PYGO1: variants seen among roughly 807,000 people sequenced by gnomAD.
PYGO1 encodes the protein pygopus homolog 1.
Under a neutral mutation model 29.5 loss-of-function variants are expected in PYGO1, and 6 were observed. The ratio of observed to expected loss-of-function variants is 0.20; its 90% CI spans 0.11 to 0.40. The LOEUF (loss-of-function observed/expected upper bound fraction) is 0.40, where lower values mean the gene tolerates loss of function less well. Among genes scored for constraint, PYGO1 ranks in the 10% least tolerant of loss-of-function variants. PYGO1 has a pLI of 1.00. For synonymous variants in PYGO1, 186 were observed against 180.5 expected (o/e 1.03, Z -0.24); for missense variants, 515 against 514.9 (o/e 1.00, Z 0.00).
Position 55,550,681 on chromosome 15 carries a change from G to A in PYGO1, c.50-1686C>T, listed in dbSNP as rs545856565. On this transcript the variant is annotated intron_variant, in intron 1 of 2. Transcript: ENST00000563719. ...ATGCTACCTCACTTTTTGCTTTTTT[G>A]GTTTTTCAACACCTGTTTAATTCCT... 2.6e-5 allele frequency among the ~76,000 whole-genome samples: 4 copies of A among 151,780 alleles called. No homozygotes were observed. The South Asian group carries it at 8.3e-4, about 32-fold the overall frequency.
chr15:55,570,749 T>G (rs2058976905), intron 1 of PYGO1, among the ~76,000 whole-genome samples: 1 of 152,164 alleles, frequency 6.6e-6, no homozygotes, highest in South Asian at 2.1e-4. Flanking sequence ...CATCAATATT[T>G]TATTTTTTAA....
intron 1 of PYGO1, among the ~76,000 whole-genome samples, chr15:55,576,871 C>G (rs2059005129): frequency 6.6e-6 from 1 of 150,978 alleles, no homozygotes; most frequent in Non-Finnish European, 1.5e-5. Flanking sequence ...CTTCATAAAC[C>G]TATGAGGTAG....
upstream of PYGO1, chr15:55,588,876 C>G (rs766740130): frequency 1.2e-5 from 19 of 1,612,946 alleles, no homozygotes; most frequent in Non-Finnish European, 1.4e-5. Context: ...TTCCCCGACT[C>G]CGTGTCCGCG....
chr15:55,547,449 C>T (rs1490487351), intron 2 of PYGO1, among the ~76,000 whole-genome samples: 1 of 152,148 alleles, frequency 6.6e-6, no homozygotes, highest in Non-Finnish European at 1.5e-5. Context: ...GCTTCATTAT[C>T]CTAATTTTCA....
chr15:55,576,668 G>A (rs1303975630), intron 1 of PYGO1, among the ~76,000 whole-genome samples: 2 of 147,740 alleles, frequency 1.4e-5, no homozygotes, highest in Non-Finnish European at 3.0e-5. Flanking sequence ...CTACTCGGGA[G>A]GCTGAGACAG....
At chr15:55,550,830 T>C (rs2058875781) in intron 1 of PYGO1, among the ~76,000 whole-genome samples, 1 of 151,788 alleles carries the variant, frequency 6.6e-6, no homozygotes, top group Admixed American at 6.5e-5. Flanking sequence ...ATGTTTAACA[T>C]GTTCCTTATT....
Position 55,544,364 on chromosome 15 carries a change from G to C in PYGO1, c.*1659C>G, listed in dbSNP as rs1021458380. The C allele has an allele frequency of 2.6e-5, 4 of 152,064 alleles. No homozygotes were observed. Among genetic ancestry groups the C allele is most frequent in the African/African-American group, 9.7e-5 (4 of 41,398 alleles). The allele number at this position is 152,064 out of a possible 1,614,324, so 9.4% of individuals were successfully genotyped here. Reference sequence around the variant, plus strand: ...TCTTCCAGTTACTTCATCTCGATTGGGGAATGCATTGTTTCTTAGAAAAAG... The same window carrying C: ...TCTTCCAGTTACTTCATCTCGATTGCGGAATGCATTGTTTCTTAGAAAAAG... On this transcript the variant is annotated 3_prime_UTR_variant, in exon 3 of 3. Transcript: ENST00000563719.
At chr15:55,552,243 T>A (rs529139736) in intron 1 of PYGO1, among the ~76,000 whole-genome samples, 166 of 151,194 alleles carry the variant, frequency 1.1e-3, no homozygotes, top group Non-Finnish European at 1.5e-3. Flanking sequence ...TAATCCCAGC[T>A]ACTTGGGAGG....
chr15:55,567,263 A>G (rs1167194338), intron 1 of PYGO1, among the ~76,000 whole-genome samples: 2 of 108,334 alleles, frequency 1.8e-5, no homozygotes, highest in East Asian at 6.2e-4. Flanking sequence ...GGCTGGGTGC[A>G]GTGGTGTGAA....
intron 2 of PYGO1, 30 bp from the exon 3 acceptor site, chr15:55,547,177 G>A (rs1173342216): frequency 6.6e-7 from 1 of 1,519,926 alleles, no homozygotes; most frequent in Non-Finnish European, 8.8e-7. Context: ...TAAAATACAT[G>A]TTTTCGATCA....
chr15:55,569,342 C>A (rs2058970853), intron 1 of PYGO1, among the ~76,000 whole-genome samples: 1 of 151,126 alleles, frequency 6.6e-6, no homozygotes, highest in Admixed American at 6.6e-5. Flanking sequence ...TTAGTTTGTT[C>A]TTGTTTTTCT....
chr15:55,582,362 T>A (rs1221937353), intron 1 of PYGO1, among the ~76,000 whole-genome samples: 1 of 152,112 alleles, frequency 6.6e-6, no homozygotes, highest in Non-Finnish European at 1.5e-5. Flanking sequence ...AAACATTTTA[T>A]TCCACACATT....
intron 1 of PYGO1, among the ~76,000 whole-genome samples, chr15:55,554,933 A>G (rs2058897447): frequency 6.6e-6 from 1 of 152,200 alleles, no homozygotes; most frequent in Non-Finnish European, 1.5e-5. Flanking sequence ...CGGAAAACAT[A>G]CTTCAGGATA....
In PYGO1 at chr15:55,543,590, A is replaced by C. The variant is rs1211866289; in HGVS notation, c.*2433T>G. 1 of 152,230 alleles carries C rather than the reference A, an allele frequency of 6.6e-6. No homozygotes were observed. Among genetic ancestry groups the C allele is most frequent in the Non-Finnish European group, 1.5e-5 (1 of 68,036 alleles). 9.4% of individuals were successfully genotyped at this position (152,230 alleles called of 1,614,324 possible). On this transcript the variant is annotated 3_prime_UTR_variant, in exon 3 of 3. Transcript: ENST00000563719. ...TATATTGCATAACACATACCTTTAG[A>C]CTAGCTTGGGAGAAGTTATTTCATT...
chr15:55,555,958 A>G (rs1335273758), intron 1 of PYGO1, among the ~76,000 whole-genome samples: 1 of 152,192 alleles, frequency 6.6e-6, no homozygotes, highest in Non-Finnish European at 1.5e-5. Flanking sequence ...ATAGCTAACT[A>G]TCCTAAATAT....
At chr15:55,584,245 G>C (rs754665002) in intron 1 of PYGO1, among the ~76,000 whole-genome samples, 1 of 151,382 alleles carries the variant, frequency 6.6e-6, no homozygotes, top group Non-Finnish European at 1.5e-5. Context: ...AGCCTCCCAC[G>C]TAGCTAAGAC....
rs886197602 is a variant in PYGO1 at position 55,541,275 on chromosome 15, C to G, written c.*4748G>C. The G allele has an allele frequency of 2.0e-5, 3 of 152,102 alleles. No individual in the cohort carries two copies. Among genetic ancestry groups the G allele is most frequent in the Non-Finnish European group, 4.4e-5 (3 of 68,026 alleles). 9.4% of individuals were successfully genotyped at this position (152,102 alleles called of 1,614,324 possible). ...GTGCTTCCAAATTCCCATCACTGTACCATAAGTTGGAAGATGCAGATGTGA... is the reference window on the plus strand; with the variant it reads ...GTGCTTCCAAATTCCCATCACTGTAGCATAAGTTGGAAGATGCAGATGTGA... On this transcript the variant is annotated 3_prime_UTR_variant, in exon 3 of 3. Coordinates refer to ENST00000563719, the MANE Select transcript of PYGO1 (RefSeq NM_001367806.1).
chr15:55,573,607 G>A lies in PYGO1; in HGVS notation c.49+14228C>T, dbSNP rs553431023. 4.6e-5 allele frequency among the ~76,000 whole-genome samples: 7 copies of A among 152,306 alleles called. No individual in the cohort carries two copies. In the South Asian group the frequency reaches 1.5e-3, roughly 32 times the overall value. ...ACATAAGCATCTGTCAACAATGGGT[G>A]CATATAGTTGATCCTTGAACTATAT... On this transcript the variant is annotated intron_variant, in intron 1 of 2. Transcript: ENST00000563719.
At chr15:55,552,257 A>C (rs2141649798) in intron 1 of PYGO1, among the ~76,000 whole-genome samples, 1 of 151,528 alleles carries the variant, frequency 6.6e-6, no homozygotes, top group Admixed American at 6.6e-5. Flanking sequence ...TGGGAGGCTA[A>C]GGCAGGGAGA....
Sources: gnomAD v4.1 joint callset for allele counts (sites outside exome capture counted in the v4.1 genomes callset) on GRCh38, gnomAD v4.1.1 for gene constraint, MANE v1.5 for transcripts, NCBI Gene and HGNC (gene_info 2026-07-23, HGNC 2026-07-21) for gene names.